MAMDC2: variants seen among roughly 807,000 people sequenced by gnomAD.
MAMDC2 encodes the protein MAM domain containing 2.
Under a neutral mutation model 89.8 loss-of-function variants are expected in MAMDC2, and 57 were observed. The ratio of observed to expected loss-of-function variants is 0.63; its 90% CI spans 0.51 to 0.79. MAMDC2 has a LOEUF of 0.79. MAMDC2 is among the 30% of genes least tolerant of loss of function. MAMDC2 has a pLI of 0.00. For missense variants in MAMDC2, 800 were observed against 820.6 expected (o/e 0.97, Z 0.31); for synonymous variants, 313 against 293.4 (o/e 1.07, Z -0.68).
chr9:70,128,413 TC>T (rs2030659757), intron 6 of MAMDC2, among the ~76,000 whole-genome samples: 1 of 152,150 alleles, frequency 6.6e-6, no homozygotes, highest in East Asian at 1.9e-4. Context: ...TCATAGCCCT[TC>T]CCCCTTGGCA....
At chr9:70,206,629 CT>C (rs776157260) in intron 11 of MAMDC2, among the ~76,000 whole-genome samples, 1 of 151,908 alleles carries the variant, frequency 6.6e-6, no homozygotes, top group Non-Finnish European at 1.5e-5. Flanking sequence ...TGGTATATAT[CT>C]TTTTTTATTA....
intron 5 of MAMDC2, among the ~76,000 whole-genome samples, chr9:70,120,074 C>T (rs151314977): frequency 6.6e-6 from 1 of 152,192 alleles, no homozygotes; most frequent in Non-Finnish European, 1.5e-5. Context: ...GTAGGCAGTT[C>T]TCTTGAGAAG....
intron 4 of MAMDC2, among the ~76,000 whole-genome samples, chr9:70,111,225 G>T (rs962669618): frequency 6.6e-6 from 1 of 152,090 alleles, no homozygotes; most frequent in Non-Finnish European, 1.5e-5. Context: ...CCGTAAAATG[G>T]GAATAAAAAG....
intron 3 of MAMDC2, 29 bp downstream of exon 3, chr9:70,108,511 G>A: frequency 6.5e-7 from 1 of 1,539,014 alleles, no homozygotes; most frequent in Non-Finnish European, 8.7e-7. Flanking sequence ...AAAGATATAA[G>A]GCCTATTATC....
intron 11 of MAMDC2, among the ~76,000 whole-genome samples, chr9:70,180,178 C>T (rs1228391900): frequency 6.6e-6 from 1 of 152,110 alleles, no homozygotes; most frequent in Admixed American, 6.5e-5. Context: ...CCATGTCCCT[C>T]CAAAGGACAT....
At chr9:70,100,603 A>G (rs1049610140) in intron 2 of MAMDC2, among the ~76,000 whole-genome samples, 1 of 152,218 alleles carries the variant, frequency 6.6e-6, no homozygotes, top group Non-Finnish European at 1.5e-5. Flanking sequence ...CCAGAATCAC[A>G]TCAGGAGTAA....
intron 1 of MAMDC2, among the ~76,000 whole-genome samples, 165 bp from the exon 2 acceptor site, chr9:70,044,419 C>T (rs1181823596): frequency 6.6e-6 from 1 of 152,050 alleles, no homozygotes; most frequent in Non-Finnish European, 1.5e-5. Flanking sequence ...TGGGGTCGCT[C>T]AGTGGAGGCG....
chr9:70,111,938 T>C (rs181002499), intron 4 of MAMDC2, among the ~76,000 whole-genome samples: 54 of 152,338 alleles, frequency 3.5e-4, no homozygotes, highest in Admixed American at 3.2e-3. Flanking sequence ...AAACAATAGC[T>C]ATTTGTCAAA....
intron 9 of MAMDC2, among the ~76,000 whole-genome samples, chr9:70,162,922 A>G (rs2032027113): frequency 6.6e-6 from 1 of 151,810 alleles, no homozygotes; most frequent in African/African-American, 2.4e-5. Context: ...AAAAAAAAAA[A>G]AACTTTAGAA....
At chr9:70,084,922 T>C (rs1208941122) in intron 2 of MAMDC2, among the ~76,000 whole-genome samples, 2 of 152,116 alleles carry the variant, frequency 1.3e-5, no homozygotes, top group Non-Finnish European at 2.9e-5. Context: ...AATCATGAAC[T>C]TTACTATATC....
At chr9:70,108,603 A>G (rs1828410614) in intron 3 of MAMDC2, 121 bp downstream of exon 3, 8 of 799,468 alleles carry the variant, frequency 1.0e-5, no homozygotes, top group African/African-American at 1.8e-5. Context: ...GTGATGTTTC[A>G]TAAGATACAT....
rs574667909 is a variant in MAMDC2, at chr9:70,159,793, T to G, written c.1405-8909T>G. Among the ~76,000 whole-genome samples, 108 of 152,352 alleles carry G rather than the reference T, an allele frequency of 7.1e-4. 1 individual carries two copies. Among genetic ancestry groups the G allele is most frequent in the East Asian group, 3.9e-4 (2 of 5,188 alleles). On this transcript the variant is annotated intron_variant, in intron 9 of 13. Transcript: ENST00000377182. ...TTTACATTTTATTACATTACATTTG[T>G]CAGGGCAGTGTTTGACCAGGAGAAC...
chr9:70,052,406 C>T (rs930021516), intron 2 of MAMDC2, among the ~76,000 whole-genome samples: 2 of 152,200 alleles, frequency 1.3e-5, no homozygotes, highest in Non-Finnish European at 2.9e-5. Context: ...GTTCTCTTTA[C>T]CTGTATAATG....
chr9:70,170,649 GTGC>G lies in MAMDC2; in HGVS notation c.1651+21_1651+23del, dbSNP rs2032312888. On this transcript the variant is annotated intron_variant, in intron 11 of 13. Transcript: ENST00000377182. ...TGGGGTAGGTGAGTTATGCCACGTGGTGCTGTTTCCTAAGGAAAGCTTCTAAAA... is the reference window on the plus strand; with the variant it reads ...TGGGGTAGGTGAGTTATGCCACGTGGTGTTTCCTAAGGAAAGCTTCTAAAA... The G allele has an allele frequency of 6.4e-7, 1 of 1,556,816 alleles. No homozygotes were observed. Among genetic ancestry groups the G allele is most frequent in the South Asian group, 1.2e-5 (1 of 81,954 alleles).
chr9:70,136,284 CAT>C (rs1159193792), intron 7 of MAMDC2, among the ~76,000 whole-genome samples: 1 of 152,182 alleles, frequency 6.6e-6, no homozygotes, highest in Non-Finnish European at 1.5e-5. Context: ...TAGTTGGAAT[CAT>C]AGAGTATGTA....
intron 11 of MAMDC2, among the ~76,000 whole-genome samples, chr9:70,199,555 G>A (rs2033053233): frequency 7.4e-6 from 1 of 134,444 alleles, no homozygotes; most frequent in Admixed American, 8.0e-5. Context: ...TAGTCATTTG[G>A]GTATATACCC....
At chr9:70,135,530 T>C (rs1032423895) in intron 7 of MAMDC2, among the ~76,000 whole-genome samples, 3 of 152,232 alleles carry the variant, frequency 2.0e-5, no homozygotes, top group African/African-American at 7.2e-5. Flanking sequence ...AATCTATTCA[T>C]TAGCAAAATA....
At chr9:70,210,810 T>G in intron 11 of MAMDC2, among the ~76,000 whole-genome samples, 1 of 3,684 alleles carries the variant, frequency 2.7e-4, no homozygotes, top group Non-Finnish European at 9.1e-4. Flanking sequence ...TCGGGAGCTC[T>G]GTAAGACAGG....
At chr9:70,058,338 C>T (rs1021401026) in intron 2 of MAMDC2, among the ~76,000 whole-genome samples, 4 of 152,088 alleles carry the variant, frequency 2.6e-5, no homozygotes, top group Non-Finnish European at 4.4e-5. Flanking sequence ...GGTTTATCTC[C>T]GAAGACTAAG....
Sources: gnomAD v4.1 joint callset for allele counts (sites outside exome capture counted in the v4.1 genomes callset) on GRCh38, gnomAD v4.1.1 for gene constraint, MANE v1.5 for transcripts, NCBI Gene and HGNC (gene_info 2026-07-23, HGNC 2026-07-21) for gene names.